SGCD: variants seen among roughly 807,000 people sequenced by gnomAD.
The protein encoded by SGCD is delta-sarcoglycan.
In SGCD, 18 loss-of-function variants were observed where a neutral mutation model predicts 36.6. The ratio of observed to expected loss-of-function variants is 0.49; its 90% CI spans 0.34 to 0.73. The LOEUF is 0.73. SGCD is among the 30% of genes least tolerant of loss of function. The probability of loss-of-function intolerance (pLI) is 0.01; values close to 1 mark genes in which losing one functional copy is unlikely to be tolerated. For missense variants in SGCD, 387 were observed against 346.7 expected (o/e 1.12, Z -0.92); for synonymous variants, 133 against 130.6 (o/e 1.02, Z -0.12).
intron 3 of SGCD, among the ~76,000 whole-genome samples, chr5:156,164,927 G>A (rs780024810): frequency 5.1e-4 from 77 of 152,140 alleles, no homozygotes; most frequent in Admixed American, 1.8e-3. Context: ...AGAAATTTCG[G>A]CCCTCAGTTT....
At chr5:156,226,184 G>C (rs1436008383) in intron 3 of SGCD, among the ~76,000 whole-genome samples, 1 of 152,022 alleles carries the variant, frequency 6.6e-6, no homozygotes, top group Non-Finnish European at 1.5e-5. Context: ...AGTATACACT[G>C]TACCCTATTT....
intron 6 of SGCD, among the ~76,000 whole-genome samples, chr5:156,613,567 G>C (rs1318135107): frequency 6.6e-6 from 1 of 152,220 alleles, no homozygotes; most frequent in Non-Finnish European, 1.5e-5. Flanking sequence ...CACTAAGACA[G>C]TGGATCTCAA....
At chr5:155,792,729 G>A in the SGCD span, among the ~76,000 whole-genome samples, 11 of 152,080 alleles carry the variant, frequency 7.2e-5, no homozygotes, top group Non-Finnish European at 1.3e-4. Flanking sequence ...CAGTCAAAAT[G>A]GCTACTTTAC....
chr5:156,629,855 CTTTTTTTTTT>C (rs560099325), intron 6 of SGCD, among the ~76,000 whole-genome samples: 8 of 85,598 alleles, frequency 9.3e-5, no homozygotes, highest in African/African-American at 3.1e-4. Context: ...GAGACTTTTT[CTTTTTTTTTT>C]TTTTTTTTTT....
At chr5:156,090,256 A>G (rs900079900) in intron 1 of SGCD, among the ~76,000 whole-genome samples, 8 of 152,172 alleles carry the variant, frequency 5.3e-5, no homozygotes, top group African/African-American at 1.9e-4. Context: ...CTGTGAGCAT[A>G]CACTACTATC....
chr5:156,188,668 GCC>G (rs869072010), intron 3 of SGCD, among the ~76,000 whole-genome samples: 5 of 90,254 alleles, frequency 5.5e-5, no homozygotes, highest in African/African-American at 1.1e-4. Context: ...CACCCCAACC[GCC>G]CCCCCCGACA....
the SGCD span, among the ~76,000 whole-genome samples, chr5:155,855,642 A>C: frequency 6.6e-6 from 1 of 152,200 alleles, no homozygotes; most frequent in Non-Finnish European, 1.5e-5. Flanking sequence ...TGGTAGACCA[A>C]CAGTTCACAT....
At chr5:155,772,972 A>G in the SGCD span, among the ~76,000 whole-genome samples, 1 of 152,130 alleles carries the variant, frequency 6.6e-6, no homozygotes, top group Admixed American at 6.5e-5. Flanking sequence ...CCAGGAGGTT[A>G]CCTCTAGTAC....
At chr5:156,379,157 T>C (rs1226486743) in intron 3 of SGCD, among the ~76,000 whole-genome samples, 1 of 152,170 alleles carries the variant, frequency 6.6e-6, no homozygotes, top group Non-Finnish European at 1.5e-5. Flanking sequence ...GCCATAAAGC[T>C]TGCATTCTAA....
chr5:156,245,162 C>T (rs1765410073), intron 3 of SGCD, among the ~76,000 whole-genome samples: 1 of 152,156 alleles, frequency 6.6e-6, no homozygotes, highest in Non-Finnish European at 1.5e-5. Context: ...CTTTCATAGT[C>T]TTCTCTCTGG....
At chr5:156,228,820 C>A (rs1301001690) in intron 3 of SGCD, among the ~76,000 whole-genome samples, 2 of 151,978 alleles carry the variant, frequency 1.3e-5, no homozygotes, top group Non-Finnish European at 2.9e-5. Flanking sequence ...TTTAGAGCTC[C>A]TTTTAGCCAT....
chr5:156,238,217 A>G (rs1040226861), intron 3 of SGCD, among the ~76,000 whole-genome samples: 3 of 152,232 alleles, frequency 2.0e-5, no homozygotes, highest in African/African-American at 7.2e-5. Flanking sequence ...TGCTGAGATT[A>G]TAAGTGTGAA....
At chr5:156,029,358 A>C (rs1249502490) in intron 1 of SGCD, among the ~76,000 whole-genome samples, 1 of 152,198 alleles carries the variant, frequency 6.6e-6, no homozygotes, top group Non-Finnish European at 1.5e-5. Flanking sequence ...ACTGACACAC[A>C]TACAAACACA....
chr5:156,645,236 A>AGTAG (rs1763183676), intron 6 of SGCD, among the ~76,000 whole-genome samples: 1 of 152,198 alleles, frequency 6.6e-6, no homozygotes, highest in Admixed American at 6.5e-5. Context: ...AGAGGGAATC[A>AGTAG]GTAGGTATGG....
chr5:156,242,693 A>C (rs574499880), intron 3 of SGCD, among the ~76,000 whole-genome samples: 6 of 152,318 alleles, frequency 3.9e-5, no homozygotes, highest in African/African-American at 1.4e-4. Flanking sequence ...AAAAAGAAAA[A>C]GCTAACCAAC....
intron 1 of SGCD, among the ~76,000 whole-genome samples, chr5:156,079,681 T>C (rs1021084544): frequency 1.3e-5 from 2 of 152,234 alleles, no homozygotes; most frequent in African/African-American, 4.8e-5. Context: ...TAGTCTTCTT[T>C]GACTCCATGT....
chr5:156,579,647 A>T (rs574035470), intron 4 of SGCD, among the ~76,000 whole-genome samples: 63 of 152,244 alleles, frequency 4.1e-4, no homozygotes, highest in African/African-American at 1.5e-3. Context: ...TATTGACTTG[A>T]TCCCTTTACC....
At chr5:156,637,271 A>G (rs1290104323) in intron 6 of SGCD, among the ~76,000 whole-genome samples, 1 of 152,142 alleles carries the variant, frequency 6.6e-6, no homozygotes, top group Non-Finnish European at 1.5e-5. Context: ...AGCCATGCTG[A>G]ACCATGAGTC....
chr5:155,954,028 A>G (rs182747810), intron 1 of SGCD, among the ~76,000 whole-genome samples: 3 of 152,316 alleles, frequency 2.0e-5, no homozygotes, highest in Admixed American at 2.0e-4. Flanking sequence ...CGTAGCAGAA[A>G]TGGAGGCATA....
Sources: gnomAD v4.1 joint callset for allele counts (sites outside exome capture counted in the v4.1 genomes callset) on GRCh38, gnomAD v4.1.1 for gene constraint, MANE v1.5 for transcripts, NCBI Gene and HGNC (gene_info 2026-07-23, HGNC 2026-07-21) for gene names.